CSMD1: variants seen among roughly 807,000 people sequenced by gnomAD.
CSMD1 encodes CUB and sushi domain-containing protein 1.
In CSMD1, 213 loss-of-function variants were observed where a neutral mutation model predicts 417.5. That is an observed-to-expected ratio of 0.51 (90% CI 0.46 to 0.57). The LOEUF (loss-of-function observed/expected upper bound fraction) is 0.57. Among genes scored for constraint, CSMD1 ranks in the 20% least tolerant of loss-of-function variants. The pLI is 0.00. For synonymous variants in CSMD1, 2,862 were observed against 1,736.8 expected, an observed-to-expected ratio of 1.65 and a Z score of -16.11; for missense variants, 6,923 against 4,529.7, an observed-to-expected ratio of 1.53 and a Z score of -15.17.
At chr8:4,169,986 G>C (rs780920118) in intron 3 of CSMD1, among the ~76,000 whole-genome samples, 2 of 151,824 alleles carry the variant, frequency 1.3e-5, no homozygotes, top group Non-Finnish European at 2.9e-5. Flanking sequence ...TTTGTGCATA[G>C]AAGAGTGTTA....
intron 5 of CSMD1, among the ~76,000 whole-genome samples, chr8:3,810,455 C>G (rs1563103126): frequency 2.0e-5 from 3 of 152,052 alleles, no homozygotes; most frequent in South Asian, 2.1e-4. Context: ...ACGGGAGGAC[C>G]TGGGCACACT....
chr8:3,336,077 T>G (rs973709784), intron 23 of CSMD1, among the ~76,000 whole-genome samples: 6 of 152,126 alleles, frequency 3.9e-5, no homozygotes, highest in African/African-American at 1.4e-4. Context: ...TAACTGAAGT[T>G]AGAAAAAAAT....
intron 25 of CSMD1, among the ~76,000 whole-genome samples, chr8:3,292,062 T>G (rs551740767): frequency 2.2e-4 from 34 of 152,324 alleles, no homozygotes; most frequent in African/African-American, 7.9e-4. Context: ...ACATCTTTAT[T>G]TCTGCCTTCA....
chr8:4,534,297 T>A (rs1796987098), intron 2 of CSMD1, among the ~76,000 whole-genome samples: 1 of 152,226 alleles, frequency 6.6e-6, no homozygotes, highest in Non-Finnish European at 1.5e-5. Context: ...CCAGCCCGAC[T>A]CATATGGCTT....
At chr8:3,569,076 A>G (rs6980577) in intron 10 of CSMD1, among the ~76,000 whole-genome samples, 3,144 of 152,290 alleles carry the variant, frequency 0.021, 103 homozygotes, top group African/African-American at 0.072. Flanking sequence ...ATATAATATT[A>G]CTTTGCATTG....
chr8:3,448,481 C>G (rs1563400265), intron 12 of CSMD1, among the ~76,000 whole-genome samples: 1 of 98,944 alleles, frequency 1.0e-5, no homozygotes, highest in East Asian at 3.2e-4. Flanking sequence ...TCTTGCTGTA[C>G]AAAAAAGGTG....
chr8:4,915,973 C>T (rs1163514922), intron 1 of CSMD1, among the ~76,000 whole-genome samples: 2 of 152,174 alleles, frequency 1.3e-5, no homozygotes, highest in Non-Finnish European at 2.9e-5. Flanking sequence ...TTCTCTTCCG[C>T]TAGTTCCCAT....
intron 3 of CSMD1, among the ~76,000 whole-genome samples, chr8:4,255,767 T>C (rs1467034305): frequency 6.6e-6 from 1 of 152,210 alleles, no homozygotes; most frequent in Admixed American, 6.5e-5. Context: ...AAAATTAATA[T>C]ATGTTTAAAG....
chr8:4,377,518 C>G (rs548906747), intron 3 of CSMD1, among the ~76,000 whole-genome samples: 3 of 152,100 alleles, frequency 2.0e-5, no homozygotes, highest in African/African-American at 7.2e-5. Context: ...CACTTTTGGA[C>G]CCAGGAGAAC....
At chr8:3,942,129 G>A (rs1224750020) in intron 5 of CSMD1, among the ~76,000 whole-genome samples, 1 of 151,876 alleles carries the variant, frequency 6.6e-6, no homozygotes, top group African/African-American at 2.4e-5. Flanking sequence ...CGCTGAGATG[G>A]GATCGTCACC....
At chr8:4,006,516 C>T (rs1287524718) in intron 4 of CSMD1, among the ~76,000 whole-genome samples, 2 of 152,106 alleles carry the variant, frequency 1.3e-5, no homozygotes, top group African/African-American at 2.4e-5. Flanking sequence ...TGCACTTGGC[C>T]TGAGCGACAG....
At chr8:3,896,883 A>C (rs965823364) in intron 5 of CSMD1, among the ~76,000 whole-genome samples, 2 of 151,984 alleles carry the variant, frequency 1.3e-5, no homozygotes, top group Non-Finnish European at 2.9e-5. Context: ...TCTATCACCT[A>C]ATTCTATTTG....
chr8:4,004,969 C>T (rs1382281992), intron 4 of CSMD1, among the ~76,000 whole-genome samples: 1 of 152,174 alleles, frequency 6.6e-6, no homozygotes, highest in Non-Finnish European at 1.5e-5. Flanking sequence ...TGGTCTCAAT[C>T]TCCTGACCTC....
rs1290164934 is a variant in CSMD1 at position 4,069,002 on chromosome 8, C to T, written c.416-36903G>A. 5.9e-5 allele frequency among the ~76,000 whole-genome samples: 9 copies of T among 152,148 alleles called. 1 individual carries two copies. The South Asian group carries it at 1.4e-3, about 24-fold the overall frequency. Reference sequence around the variant, plus strand: ...AACGTTGAATGGCTTGGAAAGATAACCCAGTAGTTGATTTTTACTTTGCTT... The same window carrying T: ...AACGTTGAATGGCTTGGAAAGATAATCCAGTAGTTGATTTTTACTTTGCTT... On this transcript the variant is annotated intron_variant, in intron 3 of 69. Coordinates refer to ENST00000635120, the MANE Select transcript of CSMD1 (RefSeq NM_033225.6).
At chr8:3,670,212 T>A (rs926459794) in intron 7 of CSMD1, among the ~76,000 whole-genome samples, 1 of 151,956 alleles carries the variant, frequency 6.6e-6, no homozygotes, top group African/African-American at 2.4e-5. Flanking sequence ...TACCCTCTAA[T>A]CAGCTGCCAG....
chr8:4,844,453 C>T (rs1233468433), intron 1 of CSMD1, among the ~76,000 whole-genome samples: 1 of 152,052 alleles, frequency 6.6e-6, no homozygotes, highest in Non-Finnish European at 1.5e-5. Context: ...TTTCTTTACT[C>T]AGCATAATGC....
At chr8:3,758,745 G>A (rs751289914) in intron 5 of CSMD1, among the ~76,000 whole-genome samples, 1 of 152,166 alleles carries the variant, frequency 6.6e-6, no homozygotes, top group Non-Finnish European at 1.5e-5. Context: ...CAAGCCCCGA[G>A]GTCCTGCTCT....
intron 5 of CSMD1, among the ~76,000 whole-genome samples, chr8:3,771,478 C>G (rs569820888): frequency 1.3e-5 from 2 of 152,138 alleles, no homozygotes; most frequent in African/African-American, 4.8e-5. Context: ...CAGGGCCAGG[C>G]CAATTCTCAA....
chr8:4,819,957 C>A (rs1182802126), intron 1 of CSMD1, among the ~76,000 whole-genome samples: 1 of 152,162 alleles, frequency 6.6e-6, no homozygotes, highest in Non-Finnish European at 1.5e-5. Context: ...ACTTATCAAT[C>A]AACTAATTGG....
Sources: gnomAD v4.1 joint callset for allele counts (sites outside exome capture counted in the v4.1 genomes callset) on GRCh38, gnomAD v4.1.1 for gene constraint, MANE v1.5 for transcripts, NCBI Gene and HGNC (gene_info 2026-07-23, HGNC 2026-07-21) for gene names.